KCNT2: variants seen among roughly 807,000 people sequenced by gnomAD.
KCNT2 encodes the protein potassium sodium-activated channel subfamily T member 2.
Under a neutral mutation model 153.8 loss-of-function variants are expected in KCNT2, and 67 were observed. The observed-to-expected ratio is 0.44, with a 90% confidence interval of 0.36 to 0.53. The LOEUF (loss-of-function observed/expected upper bound fraction) is 0.53, where lower values mean the gene tolerates loss of function less well. Ranked by LOEUF, KCNT2 falls within the 20% of genes least tolerant of loss-of-function variation. KCNT2 has a pLI of 0.00. For synonymous variants in KCNT2, 500 were observed against 458.8 expected (o/e 1.09, Z -1.15); for missense variants, 975 against 1,354.8 (o/e 0.72, Z 4.40).
intron 14 of KCNT2, among the ~76,000 whole-genome samples, chr1:196,349,859 T>C (rs1307674715): frequency 6.6e-6 from 1 of 151,700 alleles, no homozygotes; most frequent in South Asian, 2.1e-4. Flanking sequence ...CCTCCCCCCT[T>C]CCCCCAGCCC....
chr1:196,285,884 T>G (rs1046310709), intron 22 of KCNT2, 126 bp from the exon 23 acceptor site: 1 of 617,794 alleles, frequency 1.6e-6, no homozygotes, highest in Non-Finnish European at 3.0e-6. Flanking sequence ...AAATGTGTCA[T>G]TACTTCACTG....
intron 26 of KCNT2, among the ~76,000 whole-genome samples, chr1:196,243,451 G>A (rs1209839160): frequency 5.3e-5 from 8 of 152,168 alleles, no homozygotes. Flanking sequence ...AGGAGAGTAG[G>A]AAAGACCATC....
At chr1:196,276,699 T>C (rs1658602546) in intron 25 of KCNT2, among the ~76,000 whole-genome samples, 1 of 152,054 alleles carries the variant, frequency 6.6e-6, no homozygotes, top group South Asian at 2.1e-4. Flanking sequence ...ATATATATAT[T>C]TGATATCTGA....
intron 26 of KCNT2, among the ~76,000 whole-genome samples, chr1:196,243,023 C>T (rs1057366656): frequency 1.3e-5 from 2 of 152,132 alleles, no homozygotes; most frequent in Non-Finnish European, 2.9e-5. Flanking sequence ...TGATGTCAAA[C>T]ATTTTCATAA....
At chr1:196,601,364 T>C (rs1371537907) in intron 1 of KCNT2, among the ~76,000 whole-genome samples, 2 of 152,222 alleles carry the variant, frequency 1.3e-5, no homozygotes, top group Non-Finnish European at 1.5e-5. Flanking sequence ...TTCGCATATG[T>C]ATTTTTAAAT....
intron 12 of KCNT2, among the ~76,000 whole-genome samples, chr1:196,416,264 G>C (rs1309267911): frequency 6.6e-6 from 1 of 151,988 alleles, no homozygotes; most frequent in Non-Finnish European, 1.5e-5. Context: ...ATTTGGATAT[G>C]CCAAAAAGAA....
intron 1 of KCNT2, among the ~76,000 whole-genome samples, chr1:196,600,422 A>T (rs1363699923): frequency 6.6e-6 from 1 of 152,268 alleles, no homozygotes; most frequent in Non-Finnish European, 1.5e-5. Context: ...CTAAGAGCAC[A>T]AAGTTTTTGT....
intron 8 of KCNT2, among the ~76,000 whole-genome samples, chr1:196,440,021 C>T (rs1359803312): frequency 1.3e-5 from 2 of 151,990 alleles, no homozygotes; most frequent in South Asian, 2.1e-4. Context: ...CAAACCTGCA[C>T]ATTCTGCACA....
At chr1:196,232,839 A>C (rs1321575906) in intron 27 of KCNT2, among the ~76,000 whole-genome samples, 5 of 151,478 alleles carry the variant, frequency 3.3e-5, no homozygotes, top group Non-Finnish European at 5.9e-5. Context: ...TCTGTCAAAA[A>C]TAATTATGGG....
At chr1:196,462,408 G>A (rs1677228076) in intron 8 of KCNT2, among the ~76,000 whole-genome samples, 1 of 151,640 alleles carries the variant, frequency 6.6e-6, no homozygotes, top group Non-Finnish European at 1.5e-5. Flanking sequence ...AAATAGGTAT[G>A]AAATACTGAA....
rs1344175087 is a variant in KCNT2 at position 196,522,834 on chromosome 1, C to CAATCAGCACTCTGTAAAATGGACG, written c.96-30494_96-30493insCGTCCATTTTACAGAGTGCTGATT. On this transcript the variant is annotated intron_variant, in intron 1 of 27. Coordinates refer to ENST00000294725, the MANE Select transcript of KCNT2 (RefSeq NM_198503.5). ...TCTAGGTAAAGGATTGTAAATGCAC[C>CAATCAGCACTCTGTAAAATGGACG]AATCAGCACTCTGTAAAATGGACCA... Among the ~76,000 whole-genome samples the CAATCAGCACTCTGTAAAATGGACG allele has an allele frequency of 5.9e-5, 9 of 152,184 alleles. No homozygotes were observed. The East Asian group carries it at 1.7e-3, about 29-fold the overall frequency.
At chr1:196,425,754 C>T in intron 11 of KCNT2, 98 bp downstream of exon 11, 2 of 1,221,040 alleles carry the variant, frequency 1.6e-6, no homozygotes, top group East Asian at 4.7e-5. Flanking sequence ...TACTTTAACA[C>T]ATCTTGCAAC....
At chr1:196,564,288 A>C (rs1659805833) in intron 1 of KCNT2, among the ~76,000 whole-genome samples, 1 of 152,014 alleles carries the variant, frequency 6.6e-6, no homozygotes, top group South Asian at 2.1e-4. Flanking sequence ...TAGGAAAAAA[A>C]TTAACCAAGG....
At chr1:196,378,323 C>T (rs1209459016) in intron 13 of KCNT2, among the ~76,000 whole-genome samples, 3 of 152,064 alleles carry the variant, frequency 2.0e-5, no homozygotes, top group Admixed American at 6.6e-5. Context: ...GTCCTGGGAC[C>T]ACTTAGCAAA....
chr1:196,271,481 A>T (rs575938336), intron 25 of KCNT2, among the ~76,000 whole-genome samples: 1 of 152,016 alleles, frequency 6.6e-6, no homozygotes, highest in Non-Finnish European at 1.5e-5. Flanking sequence ...AAGTCAAATA[A>T]ATTGGATGCA....
At chr1:196,299,326 G>T (rs1571956018) in intron 22 of KCNT2, among the ~76,000 whole-genome samples, 1 of 151,754 alleles carries the variant, frequency 6.6e-6, no homozygotes, top group Non-Finnish European at 1.5e-5. Flanking sequence ...AAACTGTAGT[G>T]GTGATGTAAA....
At chr1:196,411,026 C>G (rs1183158490) in intron 12 of KCNT2, among the ~76,000 whole-genome samples, 1 of 120,318 alleles carries the variant, frequency 8.3e-6, no homozygotes, top group East Asian at 3.0e-4. Context: ...TCCCTCCCTT[C>G]CCACCTTCCT....
At position 196,228,099 on chromosome 1, in the gene KCNT2, A is replaced by G. The variant is rs1182143498; in HGVS notation, c.*125T>C. 1 of 613,866 alleles carries G rather than the reference A, an allele frequency of 1.6e-6. No homozygotes were observed. The highest frequency in any genetic ancestry group is 1.9e-5 in the African/African-American group (1 of 53,530). 38.0% of individuals were successfully genotyped at this position (613,866 alleles called of 1,614,324 possible). On this transcript the variant is annotated 3_prime_UTR_variant, in exon 28 of 28. Coordinates refer to ENST00000294725, the MANE Select transcript of KCNT2 (RefSeq NM_198503.5). ...TCAAAATGATCTATACTTCTAAGAG[A>G]AGAGATTACGTTTTTAAATATGAGA...
chr1:196,419,543 A>G (rs12756143), intron 12 of KCNT2, among the ~76,000 whole-genome samples: 73,111 of 151,044 alleles, frequency 0.48, 19,400 homozygotes, highest in Middle Eastern at 0.69. Flanking sequence ...ATAGTATTCC[A>G]TGGTGTATAT....
Sources: gnomAD v4.1 joint callset for allele counts (sites outside exome capture counted in the v4.1 genomes callset) on GRCh38, gnomAD v4.1.1 for gene constraint, MANE v1.5 for transcripts, NCBI Gene and HGNC (gene_info 2026-07-23, HGNC 2026-07-21) for gene names.